The following AFF3 variants were observed in gnomAD, a reference collection of about 807,000 sequenced individuals.
AFF3 encodes the protein ALF transcription elongation factor 3.
AFF3 carries 32 observed loss-of-function variants against 129.7 expected under a neutral mutation model. The observed-to-expected ratio is 0.25, with a 90% CI of 0.19 to 0.33. The LOEUF is 0.33. AFF3 is among the 10% of genes least tolerant of loss of function. AFF3 has a pLI of 1.00. For synonymous variants in AFF3, 644 were observed against 635.4 expected (o/e 1.01, Z -0.20); for missense variants, 1,373 against 1,592.0 (o/e 0.86, Z 2.34).
intron 11 of AFF3, among the ~76,000 whole-genome samples, chr2:99,678,544 C>A (rs1400187560): frequency 6.6e-6 from 1 of 152,154 alleles, no homozygotes; most frequent in Non-Finnish European, 1.5e-5. Flanking sequence ...CTTAACAGAT[C>A]GGAATCCTTT....
intron 4 of AFF3, among the ~76,000 whole-genome samples, chr2:100,094,108 C>A (rs1690092516): frequency 6.6e-6 from 1 of 152,214 alleles, no homozygotes; most frequent in African/African-American, 2.4e-5. Context: ...TCTACTCCCA[C>A]AACAGAAGTG....
At chr2:100,107,161 G>A (rs1202311295) in intron 2 of AFF3, 2 of 985,364 alleles carry the variant, frequency 2.0e-6, no homozygotes, top group East Asian at 1.1e-4. Flanking sequence ...GGAGAATGAG[G>A]ACTTTTGAGG....
chr2:100,000,521 C>CAT (rs919792472), intron 7 of AFF3, among the ~76,000 whole-genome samples: 1 of 151,994 alleles, frequency 6.6e-6, no homozygotes, highest in African/African-American at 2.4e-5. Flanking sequence ...CGCACACACA[C>CAT]ACACACACAC....
chr2:100,055,737 GA>G (rs1390638199), intron 4 of AFF3, among the ~76,000 whole-genome samples: 1 of 152,134 alleles, frequency 6.6e-6, no homozygotes, highest in Non-Finnish European at 1.5e-5. Context: ...ACTGTAGCAC[GA>G]AAGCAGCCTT....
chr2:99,999,344 G>C (rs1349589337), intron 7 of AFF3, among the ~76,000 whole-genome samples: 1 of 152,182 alleles, frequency 6.6e-6, no homozygotes, highest in African/African-American at 2.4e-5. Context: ...GCCCCAACAC[G>C]GGAAGGCCCA....
At chr2:99,625,849 G>C (rs1227172858) in intron 13 of AFF3, among the ~76,000 whole-genome samples, 1 of 152,198 alleles carries the variant, frequency 6.6e-6, no homozygotes, top group Admixed American at 6.5e-5. Flanking sequence ...TTTTGAATTA[G>C]TTGAAGGGGA....
intron 24 of AFF3, 144 bp from the exon 25 acceptor site, chr2:99,551,739 G>T: frequency 1.9e-6 from 2 of 1,057,026 alleles, no homozygotes; most frequent in Non-Finnish European, 2.7e-6. Context: ...GCATTCCTTT[G>T]AACAAAATAA....
chr2:99,844,092 C>T (rs990024176), intron 7 of AFF3, among the ~76,000 whole-genome samples: 30 of 151,932 alleles, frequency 2.0e-4, no homozygotes, highest in Non-Finnish European at 2.9e-4. Flanking sequence ...AAAACTTCTG[C>T]GTTTTACTGA....
chr2:99,964,141 GA>G (rs1677502764), intron 7 of AFF3, among the ~76,000 whole-genome samples: 2 of 151,890 alleles, frequency 1.3e-5, no homozygotes, highest in African/African-American at 4.8e-5. Context: ...ATGAGAAACA[GA>G]TAAATCCATA....
At chr2:100,014,552 TCAAA>T (rs1559057727) in intron 4 of AFF3, among the ~76,000 whole-genome samples, 1 of 152,052 alleles carries the variant, frequency 6.6e-6, no homozygotes, top group African/African-American at 2.4e-5. Context: ...CAATTCACAA[TCAAA>T]CAATGTGAGC....
At chr2:100,070,988 T>C (rs1688139463) in intron 4 of AFF3, among the ~76,000 whole-genome samples, 1 of 152,194 alleles carries the variant, frequency 6.6e-6, no homozygotes, top group African/African-American at 2.4e-5. Flanking sequence ...AGTATTAAAA[T>C]TGCTGATAGG....
intron 8 of AFF3, among the ~76,000 whole-genome samples, chr2:99,832,479 C>T (rs1409408326): frequency 6.6e-6 from 1 of 152,228 alleles, no homozygotes; most frequent in African/African-American, 2.4e-5. Context: ...TCACAGGGCC[C>T]TGCAACATAG....
intron 8 of AFF3, among the ~76,000 whole-genome samples, chr2:99,775,847 C>T (rs10496340): frequency 0.72 from 109,268 of 152,038 alleles, 40,890 homozygotes; most frequent in South Asian, 0.9. Flanking sequence ...TAGTTCCTTG[C>T]ATGCACTAAA....
intron 7 of AFF3, among the ~76,000 whole-genome samples, chr2:99,985,077 G>C (rs1679747078): frequency 6.6e-6 from 1 of 152,152 alleles, no homozygotes; most frequent in African/African-American, 2.4e-5. Context: ...AACTCTTCCT[G>C]GTTATGTCTG....
chr2:100,080,727 G>C (rs1191221177), intron 4 of AFF3, among the ~76,000 whole-genome samples: 1 of 152,134 alleles, frequency 6.6e-6, no homozygotes, highest in African/African-American at 2.4e-5. Flanking sequence ...CCCCGGCCAG[G>C]ATGCAGCCAA....
At chr2:99,912,252 C>G (rs897660990) in intron 7 of AFF3, among the ~76,000 whole-genome samples, 3 of 152,088 alleles carry the variant, frequency 2.0e-5, no homozygotes, top group African/African-American at 7.2e-5. Flanking sequence ...TTGACCCATG[C>G]GAAAATATTT....
At chr2:99,594,475 G>A (rs1575458037) in intron 14 of AFF3, among the ~76,000 whole-genome samples, 186 bp from the exon 15 acceptor site, 1 of 152,176 alleles carries the variant, frequency 6.6e-6, no homozygotes, top group Non-Finnish European at 1.5e-5. Flanking sequence ...CAGGATGCCT[G>A]GATGATGCTG....
chr2:99,979,832 T>G (rs1679235703), intron 7 of AFF3, among the ~76,000 whole-genome samples: 1 of 152,126 alleles, frequency 6.6e-6, no homozygotes, highest in Non-Finnish European at 1.5e-5. Flanking sequence ...CTAGTTCTAC[T>G]ATCTCTATAT....
chr2:99,695,938 G>GA (rs10719354), intron 11 of AFF3, among the ~76,000 whole-genome samples: 637 of 57,672 alleles, frequency 0.011, 8 homozygotes, highest in East Asian at 0.064. Flanking sequence ...CTGGAAAAAT[G>GA]AAAAAAAAAA....
Sources: allele counts gnomAD v4.1 joint callset (sites outside exome capture counted in the v4.1 genomes callset), GRCh38; gene constraint gnomAD v4.1.1; transcripts MANE v1.5; gene names NCBI Gene and HGNC (gene_info 2026-07-23, HGNC 2026-07-21).